ATP10A: variants seen among roughly 807,000 people sequenced by gnomAD.
ATP10A encodes ATPase phospholipid transporting 10A (putative), also known as phospholipid-transporting ATPase VA.
ATP10A carries 111 observed loss-of-function variants against 147.8 expected under a neutral mutation model. The ratio of observed to expected loss-of-function variants is 0.75; its 90% CI spans 0.64 to 0.88. The LOEUF is 0.88. Among genes scored for constraint, ATP10A ranks in the 40% least tolerant of loss-of-function variants. The pLI, the probability that ATP10A is intolerant of heterozygous loss-of-function variation, is 0.00. For synonymous variants in ATP10A, 875 were observed against 841.6 expected (o/e 1.04, Z -0.69); for missense variants, 1,927 against 1,959.0 (o/e 0.98, Z 0.31).
At chr15:25,836,280 G>A (rs916685489) in intron 1 of ATP10A, among the ~76,000 whole-genome samples, 4 of 152,094 alleles carry the variant, frequency 2.6e-5, no homozygotes, top group African/African-American at 7.2e-5. Flanking sequence ...TAGTTGCTAT[G>A]CTATTCCTGC....
intron 1 of ATP10A, among the ~76,000 whole-genome samples, chr15:25,826,201 A>T (rs1358005294): frequency 1.3e-5 from 2 of 152,172 alleles, no homozygotes; most frequent in Non-Finnish European, 2.9e-5. Flanking sequence ...AAGCAAACAG[A>T]TGTATGAATA....
chr15:25,836,201 G>A (rs529696254), intron 1 of ATP10A, among the ~76,000 whole-genome samples: 5 of 152,180 alleles, frequency 3.3e-5, no homozygotes, highest in South Asian at 4.2e-4. Flanking sequence ...ATCTTGCCTC[G>A]GCCTCCCAAA....
At chr15:25,694,317 A>C (rs1900191138) in intron 14 of ATP10A, among the ~76,000 whole-genome samples, 2 of 152,254 alleles carry the variant, frequency 1.3e-5, no homozygotes, top group South Asian at 4.1e-4. Flanking sequence ...TTTACTCAGA[A>C]GCCTGTCCCA....
In ATP10A at chr15:25,781,026, G is replaced by A. The variant is rs754764279; in HGVS notation, c.647C>T (p.Ser216Leu). The A allele has an allele frequency of 5.0e-6, 8 of 1,613,804 alleles. No individual in the cohort carries two copies. Among genetic ancestry groups the A allele is most frequent in the African/African-American group, 1.3e-5 (1 of 75,022 alleles). ...GAAACGTGGGTCACTTACAAGCTCC[G>A]AGAAGCCGCGGACCACCTGCCGCCG... ...LKRRQVVRGF[S>L]ELVSEFNPLT... The change falls in exon 2 of 21, where the codon TCG becomes TTG. Residue 216 changes from serine (S) to leucine (L), a missense_variant. Transcript: ENST00000555815.
intron 1 of ATP10A, among the ~76,000 whole-genome samples, chr15:25,837,670 C>T (rs1418326726): frequency 6.6e-6 from 1 of 152,204 alleles, no homozygotes; most frequent in South Asian, 2.1e-4. Context: ...CATGAACGAG[C>T]GCCACTGGGT....
At chr15:25,753,134 A>AT (rs1455928307) in intron 2 of ATP10A, among the ~76,000 whole-genome samples, 4 of 152,318 alleles carry the variant, frequency 2.6e-5, no homozygotes, top group Admixed American at 2.6e-4. Flanking sequence ...TTTGAAATGT[A>AT]TAATATTCCA....
At chr15:25,807,173 GT>G (rs1891224892) in intron 1 of ATP10A, among the ~76,000 whole-genome samples, 1 of 152,188 alleles carries the variant, frequency 6.6e-6, no homozygotes, top group Non-Finnish European at 1.5e-5. Flanking sequence ...GCATCCTTAC[GT>G]TTTTCAAGCA....
chr15:25,799,044 C>T (rs1023749878), intron 1 of ATP10A, among the ~76,000 whole-genome samples: 3 of 152,196 alleles, frequency 2.0e-5, no homozygotes, highest in African/African-American at 7.2e-5. Context: ...CCTTTCCTTC[C>T]TCTTCCCATG....
chr15:25,735,013 G>C (rs1255590537), intron 3 of ATP10A, among the ~76,000 whole-genome samples: 1 of 36,120 alleles, frequency 2.8e-5, no homozygotes, highest in African/African-American at 1.1e-4. Flanking sequence ...CGGGGGGGGG[G>C]TGGGGGGGTG....
chr15:25,791,233 C>A (rs935213426), intron 1 of ATP10A, among the ~76,000 whole-genome samples: 3 of 150,110 alleles, frequency 2.0e-5, no homozygotes, highest in African/African-American at 7.3e-5. Context: ...GCGTGCCCCA[C>A]CACACTTGGC....
intron 13 of ATP10A, among the ~76,000 whole-genome samples, chr15:25,695,725 G>A (rs572545692): frequency 6.6e-5 from 10 of 152,120 alleles, no homozygotes; most frequent in Non-Finnish European, 1.3e-4. Flanking sequence ...TTCACTTTGG[G>A]AGGCCATACT....
chr15:25,811,939 G>T (rs1333662508), intron 1 of ATP10A, among the ~76,000 whole-genome samples: 1 of 152,226 alleles, frequency 6.6e-6, no homozygotes, highest in African/African-American at 2.4e-5. Flanking sequence ...CACACGGCTG[G>T]AAGCTGCCAG....
At chr15:25,800,195 C>T (rs1374070896) in intron 1 of ATP10A, among the ~76,000 whole-genome samples, 1 of 152,138 alleles carries the variant, frequency 6.6e-6, no homozygotes, top group African/African-American at 2.4e-5. Context: ...ACAAATATCC[C>T]TGAGGAAGAA....
rs1231883132 is a variant in ATP10A at position 25,683,339 on chromosome 15, C to T, written c.3439G>A (p.Ala1147Thr). The change falls in exon 17 of 21, where the codon GCC (alanine) becomes ACC (threonine). Residue 1147 changes from alanine to threonine, a missense_variant. Coordinates refer to ENST00000555815, the MANE Select transcript of ATP10A (RefSeq NM_024490.4). Reference sequence around the variant, plus strand: ...TGCGGGTTGGTCAGCAGCACATTGGCTGGCACATCCCTGTCCAGCACCCCA... The same window carrying T: ...TGCGGGTTGGTCAGCAGCACATTGGTTGGCACATCCCTGTCCAGCACCCCA... ...VTGVLDRDVP[A>T]NVLLTNPQLY... 1.2e-6 allele frequency: 2 copies of T among 1,614,132 alleles called. No homozygotes were observed. The highest frequency in any genetic ancestry group is 1.7e-6 in the Non-Finnish European group (2 of 1,180,028).
chr15:25,791,571 G>A (rs944582013), intron 1 of ATP10A, among the ~76,000 whole-genome samples: 1 of 151,932 alleles, frequency 6.6e-6, no homozygotes, highest in Non-Finnish European at 1.5e-5. Flanking sequence ...CTTGGTTGTA[G>A]AGACGGAGTC....
Position 25,862,968 on chromosome 15 carries a change from G to A in ATP10A, c.129C>T (p.Gly43=). ...PPPGAEDPAA[G]AAKGERRRRR... is the part of the protein sequence containing the mutation. ...GCCGTCGCCGCTCGCCCTTGGCCGC[G>A]CCAGCCGCAGGGTCCTCGGCGCCCG... The change falls in exon 1 of 21, where the codon GGC becomes GGT. Residue 43 remains glycine (G), a synonymous_variant. Transcript: ENST00000555815. 4.6e-6 allele frequency: 7 copies of A among 1,517,860 alleles called. No individual in the cohort carries two copies. The highest frequency in any genetic ancestry group is 6.1e-6 in the Non-Finnish European group (7 of 1,139,968). The allele number at this position is 1,517,860 out of a possible 1,614,324, so 94.0% of individuals were successfully genotyped here. A position where few individuals can be genotyped will look rare whatever the true frequency, so the allele number is the denominator to read the frequency against.
intron 2 of ATP10A, among the ~76,000 whole-genome samples, chr15:25,747,409 G>A (rs982695744): frequency 6.6e-6 from 1 of 151,514 alleles, no homozygotes; most frequent in Non-Finnish European, 1.5e-5. Context: ...AATACTAAAA[G>A]GAGAAATTAA....
intron 1 of ATP10A, among the ~76,000 whole-genome samples, chr15:25,792,627 T>C (rs1262523289): frequency 1.3e-5 from 2 of 152,180 alleles, no homozygotes; most frequent in Non-Finnish European, 2.9e-5. Context: ...CCCCAAGCAC[T>C]GGCCTGGTGA....
At chr15:25,771,154 C>A (rs954784024) in intron 2 of ATP10A, among the ~76,000 whole-genome samples, 7 of 152,142 alleles carry the variant, frequency 4.6e-5, no homozygotes, top group Non-Finnish European at 8.8e-5. Flanking sequence ...TGGGTCTCTT[C>A]TTCGGCCTCT....
Sources: allele counts gnomAD v4.1 joint callset (sites outside exome capture counted in the v4.1 genomes callset), GRCh38; gene constraint gnomAD v4.1.1; transcripts MANE v1.5; gene names NCBI Gene and HGNC (gene_info 2026-07-23, HGNC 2026-07-21).